LIPI: variants seen among roughly 807,000 people sequenced by gnomAD.
The protein encoded by LIPI is lipase I, also known as lipase member I.
A neutral mutation model predicts 50.6 loss-of-function variants in LIPI; 59 were observed. The observed-to-expected ratio is 1.16, with a 90% CI of 0.94 to 1.45. The LOEUF (loss-of-function observed/expected upper bound fraction) is 1.45, where lower values mean the gene tolerates loss of function less well. LIPI is among the 40% of genes most tolerant of loss of function. The pLI, the probability that LIPI is intolerant of heterozygous loss-of-function variation, is 0.00. For missense variants in LIPI, 586 were observed against 536.3 expected (o/e 1.09, Z -0.92); for synonymous variants, 203 against 178.2 (o/e 1.14, Z -1.11).
chr21:14,176,140 T>C (rs1477245378), intron 4 of LIPI, among the ~76,000 whole-genome samples: 3 of 144,132 alleles, frequency 2.1e-5, no homozygotes, highest in East Asian at 2.0e-4. Context: ...ATCGCGCCAC[T>C]GCACTCCAGC....
chr21:14,142,852 T>C (rs1027582114), intron 9 of LIPI, among the ~76,000 whole-genome samples: 1 of 152,054 alleles, frequency 6.6e-6, no homozygotes, highest in Non-Finnish European at 1.5e-5. Flanking sequence ...CACTTATATT[T>C]GATAAATATT....
At chr21:14,111,575 G>T (rs2016415435) in intron 9 of LIPI, among the ~76,000 whole-genome samples, 1 of 151,928 alleles carries the variant, frequency 6.6e-6, no homozygotes, top group Non-Finnish European at 1.5e-5. Context: ...CCTTTGATGA[G>T]CATAAGCTTT....
intron 1 of LIPI, among the ~76,000 whole-genome samples, chr21:14,191,683 T>G (rs958057252): frequency 4.6e-5 from 7 of 152,144 alleles, no homozygotes; most frequent in African/African-American, 1.7e-4. Context: ...TCATTTCTCT[T>G]GGAAATTTTA....
chr21:14,161,622 A>ATATATTAATATATAATATATACATTATT (rs1568858276), intron 7 of LIPI, among the ~76,000 whole-genome samples: 1 of 95,562 alleles, frequency 1.0e-5, no homozygotes, highest in South Asian at 2.9e-4. Flanking sequence ...ATACATATAT[A>ATATATTAATATATAATATATACATTATT]ATATATTAAT....
In LIPI at chr21:14,183,635, A is replaced by G. The variant is rs1016270892; in HGVS notation, c.542-1776T>C. Among the ~76,000 whole-genome samples, 21 of 152,196 alleles carry G rather than the reference A, an allele frequency of 1.4e-4. No homozygotes were observed. In the South Asian group the frequency reaches 2.5e-3, roughly 18 times the overall value. On this transcript the variant is annotated intron_variant, in intron 3 of 9. Coordinates refer to ENST00000681601, the MANE Select transcript of LIPI (RefSeq NM_001302998.2). Reference sequence around the variant, plus strand: ...AACTCAAACAAATTTACAAGAAAAAAACGAACAACCCCATCAAAAAGTGGG... The same window carrying G: ...AACTCAAACAAATTTACAAGAAAAAGACGAACAACCCCATCAAAAAGTGGG...
chr21:14,146,258 A>G lies in LIPI; in HGVS notation c.1119-1459T>C, dbSNP rs1196162216. On this transcript the variant is annotated intron_variant, in intron 8 of 9. Transcript: ENST00000681601. ...AGCTCACTAGGTTCAAATCTAAATG[A>G]CTCATCTTCTCCAACACTTTCTCCA... Among the ~76,000 whole-genome samples, 3 of 150,870 alleles carry G rather than the reference A, an allele frequency of 2.0e-5. No homozygotes were observed. In the South Asian group the frequency reaches 6.3e-4, roughly 32 times the overall value.
chr21:14,164,360 A>G lies in LIPI; in HGVS notation c.902-837T>C, dbSNP rs547276820. 3.3e-5 allele frequency among the ~76,000 whole-genome samples: 5 copies of G among 152,262 alleles called. No individual in the cohort carries two copies. In the East Asian group the frequency reaches 7.7e-4, roughly 24 times the overall value. Reference sequence around the variant, plus strand: ...CACAACAGGAGGTCTGAAGAAAACTAATCCCACATGGTGTCTTATAGACAG... The same window carrying G: ...CACAACAGGAGGTCTGAAGAAAACTGATCCCACATGGTGTCTTATAGACAG... On this transcript the variant is annotated intron_variant, in intron 6 of 9. Transcript: ENST00000681601.
chr21:14,158,225 C>T (rs747492744), intron 7 of LIPI, among the ~76,000 whole-genome samples: 33 of 151,676 alleles, frequency 2.2e-4, no homozygotes, highest in Non-Finnish European at 3.7e-4. Flanking sequence ...TACCTCAGGA[C>T]GTTGTTAAAA....
intron 1 of LIPI, among the ~76,000 whole-genome samples, chr21:14,191,668 C>G (rs1233300967): frequency 6.6e-6 from 1 of 152,074 alleles, no homozygotes; most frequent in Non-Finnish European, 1.5e-5. Context: ...CTCCCTGAAT[C>G]CATCTCATTT....
intron 4 of LIPI, among the ~76,000 whole-genome samples, chr21:14,170,042 A>C (rs2018835840): frequency 6.6e-6 from 1 of 152,230 alleles, no homozygotes. Flanking sequence ...ATCACCACCC[A>C]TCCCACAGAA....
chr21:14,184,913 G>T (rs1180991737), intron 3 of LIPI, among the ~76,000 whole-genome samples: 1 of 152,042 alleles, frequency 6.6e-6, no homozygotes, highest in Non-Finnish European at 1.5e-5. Flanking sequence ...GTATGCATAA[G>T]GTTTGTAAAG....
chr21:14,144,841 A>C (rs1421922679), intron 8 of LIPI, 42 bp from the exon 9 acceptor site: 6 of 1,351,028 alleles, frequency 4.4e-6, no homozygotes, highest in Non-Finnish European at 4.2e-6. Flanking sequence ...TAATAATTTG[A>C]AACATAACTC....
At chr21:14,166,191 T>C (rs2018676552) in intron 5 of LIPI, among the ~76,000 whole-genome samples, 171 bp downstream of exon 5, 1 of 152,182 alleles carries the variant, frequency 6.6e-6, no homozygotes, top group South Asian at 2.1e-4. Flanking sequence ...TGGTAACCTT[T>C]ATGAACTAAG....
At chr21:14,192,401 G>A (rs1237150408) in intron 1 of LIPI, among the ~76,000 whole-genome samples, 1 of 152,114 alleles carries the variant, frequency 6.6e-6, no homozygotes, top group East Asian at 1.9e-4. Flanking sequence ...GGAGGTGGAG[G>A]CTGCAGTGAC....
chr21:14,146,299 A>C (rs2123068799), intron 8 of LIPI, among the ~76,000 whole-genome samples: 1 of 152,220 alleles, frequency 6.6e-6, no homozygotes, highest in Non-Finnish European at 1.5e-5. Flanking sequence ...AAAAAAAAAA[A>C]ATACTAAAAC....
At chr21:14,132,224 G>T (rs1600844616) in intron 9 of LIPI, among the ~76,000 whole-genome samples, 1 of 152,094 alleles carries the variant, frequency 6.6e-6, no homozygotes, top group Non-Finnish European at 1.5e-5. Flanking sequence ...TATTTCCCAG[G>T]CAAATACACT....
chr21:14,188,946 T>C (rs2019549167), intron 2 of LIPI, 88 bp downstream of exon 2: 2 of 1,087,732 alleles, frequency 1.8e-6, no homozygotes, highest in African/African-American at 1.5e-5. Flanking sequence ...ATTATCACTT[T>C]GTGGTATTGA....
At chr21:14,207,012 T>C (rs2020245084) in intron 1 of LIPI, 1 of 898,044 alleles carries the variant, frequency 1.1e-6, no homozygotes, top group African/African-American at 1.6e-5. Flanking sequence ...GAATTCCAAG[T>C]ACGAAACAAT....
chr21:14,198,683 C>T (rs414474), intron 1 of LIPI, among the ~76,000 whole-genome samples: 21,145 of 152,058 alleles, frequency 0.14, 1,943 homozygotes, highest in South Asian at 0.21. Flanking sequence ...GAGACTTCAA[C>T]AACCCACTGA....
Sources: allele counts gnomAD v4.1 joint callset (sites outside exome capture counted in the v4.1 genomes callset), GRCh38; gene constraint gnomAD v4.1.1; transcripts MANE v1.5; gene names NCBI Gene and HGNC (gene_info 2026-07-23, HGNC 2026-07-21).